The following SORBS2 variants were observed in gnomAD, a reference collection of about 807,000 sequenced individuals.
The protein encoded by SORBS2 is sorbin and SH3 domain-containing protein 2.
SORBS2 carries 46 observed loss-of-function variants against 97.7 expected under a neutral mutation model. The ratio of observed to expected loss-of-function variants is 0.47; its 90% CI spans 0.37 to 0.60. The LOEUF (loss-of-function observed/expected upper bound fraction) is 0.60. Ranked by LOEUF, SORBS2 falls within the 20% of genes least tolerant of loss-of-function variation. SORBS2 has a pLI of 0.00. For missense variants in SORBS2, 1,316 were observed against 1,282.3 expected, an observed-to-expected ratio of 1.03 and a Z score of -0.40; for synonymous variants, 476 against 473.4, an observed-to-expected ratio of 1.01 and a Z score of -0.07.
At chr4:185,619,186 T>A (rs533464634) in intron 8 of SORBS2, among the ~76,000 whole-genome samples, 2 of 152,286 alleles carry the variant, frequency 1.3e-5, no homozygotes, top group Non-Finnish European at 2.9e-5. Flanking sequence ...CCTTCAACAC[T>A]CTGTCCACCA....
rs548347503 is a variant in SORBS2 at position 185,855,907 on chromosome 4, G to C, written c.-337-80541C>G. Among the ~76,000 whole-genome samples the C allele has an allele frequency of 4.6e-5, 7 of 152,250 alleles. No individual in the cohort carries two copies. In the East Asian group the frequency reaches 1.2e-3, roughly 25 times the overall value. On this transcript the variant is annotated intron_variant, in intron 1 of 20. Transcript: ENST00000284776. Reference sequence around the variant, plus strand: ...TCAAAAGATGACAAGGCACTGCCTTGGCTGTTAGGTTTATGGAATGAATCA... The same window carrying C: ...TCAAAAGATGACAAGGCACTGCCTTCGCTGTTAGGTTTATGGAATGAATCA...
intron 1 of SORBS2, among the ~76,000 whole-genome samples, chr4:185,810,434 C>T (rs1160070027): frequency 6.6e-6 from 1 of 152,206 alleles, no homozygotes; most frequent in Non-Finnish European, 1.5e-5. Flanking sequence ...TAAAAATATA[C>T]TTCTTAGAAG....
At chr4:185,926,628 A>T (rs1377505117) in intron 1 of SORBS2, among the ~76,000 whole-genome samples, 1 of 151,922 alleles carries the variant, frequency 6.6e-6, no homozygotes, top group Non-Finnish European at 1.5e-5. Context: ...CTACTTCTGG[A>T]GCACAGTTTG....
Position 185,607,981 on chromosome 4 carries a change from G to A in SORBS2, c.2796+3799C>T, listed in dbSNP as rs981212310. On this transcript the variant is annotated intron_variant, in intron 12 of 14. Coordinates refer to ENST00000418609, the Ensembl canonical transcript of SORBS2. The surrounding 1 kb of genome is among the most constrained non-coding windows in gnomAD (Gnocchi z 5.2). ...GCTGGGGTTACAGGTGTGAGCCACC[G>A]CGCCTGGCCCTTAAGAGATTTAATG... Among the ~76,000 whole-genome samples the A allele has an allele frequency of 3.3e-5, 5 of 152,134 alleles. No homozygotes were observed. The highest frequency in any genetic ancestry group is 1.9e-4 in the East Asian group (1 of 5,196).
At chr4:185,793,814 T>G (rs1177518336) in intron 1 of SORBS2, among the ~76,000 whole-genome samples, 2 of 152,268 alleles carry the variant, frequency 1.3e-5, no homozygotes, top group East Asian at 3.9e-4. Context: ...GAACGACTGG[T>G]CCTATGATCT....
At chr4:185,837,503 T>A (rs571036643) in intron 1 of SORBS2, among the ~76,000 whole-genome samples, 28 of 152,368 alleles carry the variant, frequency 1.8e-4, no homozygotes, top group Admixed American at 1.4e-3. Context: ...AAGGTTCTCA[T>A]GCAATCGTTA....
At chr4:185,596,408 C>T (rs1381418654) in intron 12 of SORBS2, among the ~76,000 whole-genome samples, 3 of 152,128 alleles carry the variant, frequency 2.0e-5, no homozygotes, top group Non-Finnish European at 4.4e-5. Context: ...AATCATTTAA[C>T]TGAACTGTCC....
At position 185,656,957 on chromosome 4, in the gene SORBS2, C is replaced by T. The variant is rs947706844; in HGVS notation, c.-319G>A. 7.0e-6 allele frequency: 8 copies of T among 1,137,512 alleles called. No homozygotes were observed. In the African/African-American group the frequency reaches 1.3e-4, roughly 19 times the overall value. 70.5% of individuals were successfully genotyped at this position (1,137,512 alleles called of 1,614,324 possible). On this transcript the variant is annotated 5_prime_UTR_variant, in exon 1 of 15. Transcript: ENST00000418609. ...TCTTCACTCCAATCATCTCACCTCC[C>T]AACTCCCAAATCACAGCTTCCAATC... is the stretch of plus-strand genomic sequence containing the variant.
intron 2 of SORBS2, among the ~76,000 whole-genome samples, chr4:185,731,602 ATC>A (rs1299503507): frequency 3.3e-4 from 4 of 12,204 alleles, no homozygotes; most frequent in African/African-American, 1.1e-3. Flanking sequence ...CTCCCTGCCT[ATC>A]TCTCTCTCTC....
At chr4:185,847,495 A>G (rs970822339) in intron 1 of SORBS2, among the ~76,000 whole-genome samples, 1 of 152,124 alleles carries the variant, frequency 6.6e-6, no homozygotes, top group African/African-American at 2.4e-5. Flanking sequence ...CCATCCTCGC[A>G]GGATCTGGGG....
At chr4:185,751,763 T>C (rs2098801819) in intron 2 of SORBS2, among the ~76,000 whole-genome samples, 1 of 152,154 alleles carries the variant, frequency 6.6e-6, no homozygotes, top group South Asian at 2.1e-4. Context: ...GAGAAGCTTC[T>C]GCACAGGAGC....
intron 1 of SORBS2, among the ~76,000 whole-genome samples, chr4:185,872,817 G>C (rs1390851728): frequency 6.6e-6 from 1 of 152,212 alleles, no homozygotes; most frequent in African/African-American, 2.4e-5. Flanking sequence ...CCCATGCAAT[G>C]CTGGGAAGGG....
At chr4:185,780,773 G>T (rs749703256) in intron 1 of SORBS2, among the ~76,000 whole-genome samples, 4 of 152,152 alleles carry the variant, frequency 2.6e-5, no homozygotes, top group Non-Finnish European at 5.9e-5. Flanking sequence ...GTCATCACAT[G>T]TGTCATTTTG....
intron 2 of SORBS2, among the ~76,000 whole-genome samples, chr4:185,705,400 G>A (rs1335199182): frequency 6.6e-6 from 1 of 152,006 alleles, no homozygotes; most frequent in Non-Finnish European, 1.5e-5. Context: ...ACAAAAATTA[G>A]CTGGGTGTGG....
intron 14 of SORBS2, chr4:185,589,286 C>T (rs2095865302): frequency 5.9e-6 from 1 of 170,226 alleles, no homozygotes; most frequent in Non-Finnish European, 1.3e-5. Context: ...GAGAGCTGTT[C>T]ACTTAATCTC....
chr4:185,828,912 G>A (rs766998351), intron 1 of SORBS2, among the ~76,000 whole-genome samples: 10 of 152,182 alleles, frequency 6.6e-5, no homozygotes, highest in Non-Finnish European at 1.0e-4. Flanking sequence ...TTCTCCAAGT[G>A]TGGCTGGAAT....
At chr4:185,763,013 A>G in intron 2 of SORBS2, among the ~76,000 whole-genome samples, 1 of 152,254 alleles carries the variant, frequency 6.6e-6, no homozygotes, top group Middle Eastern at 3.4e-3. Context: ...ACATGGTGAA[A>G]TCCCATCTCT....
intron 4 of SORBS2, among the ~76,000 whole-genome samples, chr4:185,672,427 T>C (rs1276222114): frequency 1.3e-5 from 2 of 152,240 alleles, no homozygotes; most frequent in African/African-American, 4.8e-5. Context: ...AGCTTTTTGC[T>C]GGCTTTCCAA....
chr4:185,690,487 TA>T, intron 2 of SORBS2, 74 bp downstream of exon 4: 1 of 902,234 alleles, frequency 1.1e-6, no homozygotes, highest in Non-Finnish European at 1.7e-6. Context: ...AGAAGAGTGC[TA>T]AACTAATGAT....
Sources: gnomAD v4.1 joint callset for allele counts (sites outside exome capture counted in the v4.1 genomes callset) on GRCh38, gnomAD v4.1.1 for gene constraint, Gnocchi (gnomAD v3.1) non-coding constraint, MANE v1.5 for transcripts, NCBI Gene and HGNC (gene_info 2026-07-23, HGNC 2026-07-21) for gene names.